MPHOSPH6: variants seen among roughly 807,000 people sequenced by gnomAD.
MPHOSPH6 encodes M-phase phosphoprotein 6.
Under a neutral mutation model 21.8 loss-of-function variants are expected in MPHOSPH6, and 25 were observed. The ratio of observed to expected loss-of-function variants is 1.15; its 90% CI spans 0.83 to 1.60. The LOEUF is 1.60. Ranked by LOEUF, MPHOSPH6 falls within the 40% of genes most tolerant of loss-of-function variation. MPHOSPH6 has a pLI of 0.00. For synonymous variants in MPHOSPH6, 84 were observed against 56.5 expected, an observed-to-expected ratio of 1.49 and a Z score of -2.18; for missense variants, 269 against 181.8, an observed-to-expected ratio of 1.48 and a Z score of -2.76.
chr16:82,161,809 T>A lies in MPHOSPH6; in HGVS notation c.164+2273A>T, dbSNP rs140263796. On this transcript the variant is annotated intron_variant, in intron 2 of 4. Transcript: ENST00000258169. Reference sequence around the variant, plus strand: ...CACAGCAGCTAGATCATCATTCCCCTACATGGTCTAGCCACTGGCTAAAAG... The same window carrying A: ...CACAGCAGCTAGATCATCATTCCCCAACATGGTCTAGCCACTGGCTAAAAG... 9.6e-4 allele frequency among the ~76,000 whole-genome samples: 146 copies of A among 152,332 alleles called. 1 individual carries two copies. Among genetic ancestry groups the A allele is most frequent in the Non-Finnish European group, 1.7e-3 (118 of 68,028 alleles).
At chr16:82,151,369 G>T (rs1906258845) in intron 3 of MPHOSPH6, 55 bp downstream of exon 3, 1 of 1,592,648 alleles carries the variant, frequency 6.3e-7, no homozygotes, top group Non-Finnish European at 8.5e-7. Context: ...CCAATTATTA[G>T]CAGAAAAAAA....
intron 2 of MPHOSPH6, among the ~76,000 whole-genome samples, chr16:82,158,305 G>T (rs113807390): frequency 4.0e-5 from 6 of 149,452 alleles, no homozygotes; most frequent in Non-Finnish European, 5.9e-5. Context: ...TGGCTAATAC[G>T]ATGAAACCCT....
intron 2 of MPHOSPH6, among the ~76,000 whole-genome samples, chr16:82,157,642 C>T (rs1024411403): frequency 2.6e-5 from 4 of 152,140 alleles, no homozygotes; most frequent in Admixed American, 6.5e-5. Flanking sequence ...CACACCCACA[C>T]GTGCACACAG....
At chr16:82,149,619 C>T (rs1236343582) in intron 3 of MPHOSPH6, among the ~76,000 whole-genome samples, 2 of 152,210 alleles carry the variant, frequency 1.3e-5, no homozygotes, top group African/African-American at 4.8e-5. Flanking sequence ...CTGAATTATA[C>T]TTAGGGTGAA....
intron 1 of MPHOSPH6, among the ~76,000 whole-genome samples, chr16:82,168,898 T>G (rs531739252): frequency 6.6e-6 from 1 of 152,144 alleles, no homozygotes; most frequent in Non-Finnish European, 1.5e-5. Flanking sequence ...GAGTACAGAG[T>G]AGTAATAAAG....
intron 2 of MPHOSPH6, among the ~76,000 whole-genome samples, chr16:82,156,272 A>C (rs1215888287): frequency 6.6e-6 from 1 of 152,202 alleles, no homozygotes; most frequent in Non-Finnish European, 1.5e-5. Context: ...TCTCAAAAAA[A>C]CCCTAGAAAC....
At chr16:82,156,629 C>G (rs927207692) in intron 2 of MPHOSPH6, among the ~76,000 whole-genome samples, 2 of 152,190 alleles carry the variant, frequency 1.3e-5, no homozygotes, top group Non-Finnish European at 2.9e-5. Flanking sequence ...GTTGGACTCT[C>G]ACACTTCCTT....
intron 3 of MPHOSPH6, 55 bp from the exon 4 acceptor site, chr16:82,149,458 T>A: frequency 6.6e-7 from 1 of 1,507,552 alleles, no homozygotes; most frequent in Non-Finnish European, 9.2e-7. Context: ...TGAAAGGAAC[T>A]GATGTCAAAC....
chr16:82,155,519 C>T (rs1229728403), intron 2 of MPHOSPH6, among the ~76,000 whole-genome samples: 1 of 152,166 alleles, frequency 6.6e-6, no homozygotes, highest in Non-Finnish European at 1.5e-5. Context: ...CATACATACA[C>T]ACAACAAATA....
intron 2 of MPHOSPH6, among the ~76,000 whole-genome samples, chr16:82,155,236 TAGAG>T (rs1247283286): frequency 6.6e-6 from 1 of 152,224 alleles, no homozygotes; most frequent in Non-Finnish European, 1.5e-5. Context: ...TCATGTGTAA[TAGAG>T]AGAAAGTAAA....
chr16:82,165,562 T>C lies in MPHOSPH6; in HGVS notation c.52-1368A>G, dbSNP rs1285233623. On this transcript the variant is annotated intron_variant, in intron 1 of 4. Transcript: ENST00000258169. ...AATAAAATAGTCATGCACTGCAAAA[T>C]GATGTTTGGTCGACGATGGAACCCA... Among the ~76,000 whole-genome samples the C allele has an allele frequency of 2.0e-5, 3 of 152,116 alleles. No individual in the cohort carries two copies. The East Asian group carries it at 5.8e-4, about 29-fold the overall frequency.
At chr16:82,149,240 G>A (rs1026891650) in intron 4 of MPHOSPH6, 69 bp downstream of exon 4, 4 of 1,481,698 alleles carry the variant, frequency 2.7e-6, no homozygotes, top group East Asian at 2.3e-5. Context: ...TGTGGGGTAA[G>A]AGGAGCATTC....
chr16:82,157,262 A>G (rs971583640), intron 2 of MPHOSPH6, among the ~76,000 whole-genome samples: 5 of 152,214 alleles, frequency 3.3e-5, no homozygotes, highest in African/African-American at 1.2e-4. Context: ...AATGTCCATT[A>G]ATAGAAGAAT....
intron 2 of MPHOSPH6, among the ~76,000 whole-genome samples, chr16:82,154,931 A>G (rs1219001089): frequency 3.9e-5 from 6 of 152,236 alleles, no homozygotes; most frequent in Non-Finnish European, 7.3e-5. Context: ...TCTACAGTCT[A>G]ATATCTTTTT....
At chr16:82,151,191 T>C in intron 3 of MPHOSPH6, 4 of 314,152 alleles carry the variant, frequency 1.3e-5, no homozygotes, top group Non-Finnish European at 2.3e-5. Context: ...ATATTTATGG[T>C]GGCTCTGTCA....
Position 82,148,415 on chromosome 16 carries a change from A to C in MPHOSPH6, c.*316T>G, listed in dbSNP as rs1567610400. The C allele has an allele frequency of 9.5e-6, 2 of 211,538 alleles. No homozygotes were observed. The highest frequency in any genetic ancestry group is 1.8e-5 in the Non-Finnish European group (2 of 108,282). The allele number at this position is 211,538 out of a possible 1,614,324, so 13.1% of individuals were successfully genotyped here. A position where few individuals can be genotyped will look rare whatever the true frequency, so the allele number is the denominator to read the frequency against. The stretch of plus-strand genomic sequence containing the variant: ...TTAAACATTGGCAGTAGTTTATGTA[A>C]GTCAATTCAAGGTCAGTGACTGGAG... On this transcript the variant is annotated 3_prime_UTR_variant, in exon 5 of 5. Coordinates refer to ENST00000258169, the MANE Select transcript of MPHOSPH6 (RefSeq NM_005792.2).
At chr16:82,154,964 CAAT>C (rs1195990317) in intron 2 of MPHOSPH6, among the ~76,000 whole-genome samples, 5 of 152,076 alleles carry the variant, frequency 3.3e-5, no homozygotes, top group African/African-American at 1.2e-4. Context: ...TGAAAATCAT[CAAT>C]AAAATGTCAG....
intron 1 of MPHOSPH6, among the ~76,000 whole-genome samples, chr16:82,167,817 G>A (rs936226724): frequency 5.3e-5 from 8 of 152,142 alleles, no homozygotes; most frequent in African/African-American, 1.2e-4. Flanking sequence ...TTGCCTGCCC[G>A]CTGCTCACTT....
At position 82,156,774 on chromosome 16, in the gene MPHOSPH6, GT is replaced by G. The variant is rs1303474771; in HGVS notation, c.165-5261del. Among the ~76,000 whole-genome samples the G allele has an allele frequency of 2.0e-5, 3 of 152,248 alleles. No homozygotes were observed. In the East Asian group the frequency reaches 5.8e-4, roughly 29 times the overall value. ...TGTCATACCAGCTTTATCCATAAGC[GT>G]AAAAAAACAGGCTGGGTGTGGTGCC... On this transcript the variant is annotated intron_variant, in intron 2 of 4. Coordinates refer to ENST00000258169, the MANE Select transcript of MPHOSPH6 (RefSeq NM_005792.2).
Sources: gnomAD v4.1 joint callset for allele counts (sites outside exome capture counted in the v4.1 genomes callset) on GRCh38, gnomAD v4.1.1 for gene constraint, MANE v1.5 for transcripts, NCBI Gene and HGNC (gene_info 2026-07-23, HGNC 2026-07-21) for gene names.